The following PHF8 variants were observed in gnomAD, a reference collection of about 807,000 sequenced individuals.
PHF8 encodes the protein histone lysine demethylase PHF8.
PHF8 carries 9 observed loss-of-function variants against 74.4 expected under a neutral mutation model. The ratio of observed to expected loss-of-function variants is 0.12; its 90% confidence interval spans 0.07 to 0.21. The LOEUF is 0.21. PHF8 is among the 10% of genes least tolerant of loss of function. The probability of loss-of-function intolerance (pLI) is 1.00; values close to 1 mark genes in which losing one functional copy is unlikely to be tolerated. For missense variants in PHF8, 478 were observed against 816.6 expected (o/e 0.59, Z 5.05); for synonymous variants, 311 against 316.6 (o/e 0.98, Z 0.19).
chrX:53,986,553 T>C (rs1557099616), intron 16 of PHF8, among the ~76,000 whole-genome samples: 1 of 112,772 alleles, frequency 8.9e-6, no homozygotes, highest in Non-Finnish European at 1.9e-5. Flanking sequence ...TTCATTCTAT[T>C]CTGTATTAAA....
chrX:53,982,691 C>G (rs1305553727), intron 18 of PHF8, among the ~76,000 whole-genome samples: 1 of 111,615 alleles, frequency 9.0e-6, no homozygotes, highest in African/African-American at 3.3e-5. Flanking sequence ...AACTTCAAGT[C>G]AGGGGGATAA....
Position 54,044,461 on chromosome X carries a change from C to T in PHF8, c.-792G>A, listed in dbSNP as rs1417592291. 3.2e-5 allele frequency: 24 copies of T among 745,373 alleles called. No individual in the cohort carries two copies. Among genetic ancestry groups the T allele is most frequent in the Non-Finnish European group, 3.5e-5 (22 of 631,309 alleles). 61.4% of individuals were successfully genotyped at this position (745,373 alleles called of 1,213,427 possible). ...CAAGGCGACCGCCATCTTATGAGGG[C>T]TGGACTCGCGAGGTGAGCGCGGCGG... is the stretch of plus-strand genomic sequence containing the variant. On this transcript the variant is annotated 5_prime_UTR_variant, in exon 1 of 22. Coordinates refer to ENST00000338154, the MANE Select transcript of PHF8 (RefSeq NM_015107.3).
At chrX:54,008,094 C>T (rs781989807) in intron 8 of PHF8, among the ~76,000 whole-genome samples, 2 of 111,911 alleles carry the variant, frequency 1.8e-5, no homozygotes, top group South Asian at 3.7e-4. Context: ...AAGTGGTCGG[C>T]GCAGTGGCTC....
At chrX:53,988,045 C>A in intron 14 of PHF8, 101 bp from the exon 15 acceptor site, 1 of 644,280 alleles carries the variant, frequency 1.6e-6, no homozygotes, top group South Asian at 2.4e-5. Flanking sequence ...AATACAATCC[C>A]TATCAAAATC....
At chrX:53,975,214 G>C (rs1487688589) in intron 18 of PHF8, among the ~76,000 whole-genome samples, 2 of 112,322 alleles carry the variant, frequency 1.8e-5, no homozygotes, top group Admixed American at 1.9e-4. Flanking sequence ...AAAAGCTGGA[G>C]AGGATTTGTT....
chrX:54,014,836 G>C (rs2066036224), intron 6 of PHF8, among the ~76,000 whole-genome samples: 1 of 111,389 alleles, frequency 9.0e-6, no homozygotes, highest in African/African-American at 3.3e-5. Flanking sequence ...ATACTCCCCA[G>C]CCCCACTCCA....
At chrX:53,949,872 G>C (rs1170734700) in intron 19 of PHF8, among the ~76,000 whole-genome samples, 1 of 106,091 alleles carries the variant, frequency 9.4e-6, no homozygotes. Context: ...TCATATAATG[G>C]CACCGTGGTT....
At chrX:54,033,816 G>A (rs1292618111) in intron 2 of PHF8, among the ~76,000 whole-genome samples, 1 of 111,087 alleles carries the variant, frequency 9.0e-6, no homozygotes, top group Non-Finnish European at 1.9e-5. Flanking sequence ...CCAGCTACTT[G>A]GGAGGCTGAG....
intron 14 of PHF8, among the ~76,000 whole-genome samples, chrX:53,990,769 C>T (rs1458725477): frequency 1.8e-5 from 2 of 111,560 alleles, no homozygotes; most frequent in Admixed American, 1.9e-4. Context: ...ATACTCTGCA[C>T]TTGGCTCTTG....
Position 54,039,890 on chromosome X carries a change from T to C in PHF8, c.98+2741A>G, listed in dbSNP as rs2066523789. ...ACATTAACTAGAAATAAAAAATAGGTTGTAAAATGGTATTTATAACGCAAT... is the reference window on the plus strand; with the variant it reads ...ACATTAACTAGAAATAAAAAATAGGCTGTAAAATGGTATTTATAACGCAAT... On this transcript the variant is annotated intron_variant, in intron 2 of 21. Coordinates refer to ENST00000338154, the MANE Select transcript of PHF8 (RefSeq NM_015107.3). The C allele has an allele frequency of 5.3e-5, 6 of 112,299 alleles. No individual in the cohort carries two copies. In the Admixed American group the frequency reaches 5.7e-4, roughly 11 times the overall value. The allele number at this position is 112,299 out of a possible 1,213,427, so 9.3% of individuals were successfully genotyped here.
chrX:53,956,671 T>TGTGC (rs1486974970), intron 19 of PHF8, among the ~76,000 whole-genome samples: 3 of 100,129 alleles, frequency 3.0e-5, no homozygotes, highest in Non-Finnish European at 6.1e-5. Context: ...GTATAAAATA[T>TGTGC]GTGCGTGTGT....
intron 19 of PHF8, among the ~76,000 whole-genome samples, chrX:53,947,116 A>G (rs1232218997): frequency 9.0e-6 from 1 of 111,227 alleles, no homozygotes; most frequent in Admixed American, 9.6e-5. Context: ...GGTTCAAGCT[A>G]TTCTCCTGCC....
rs782345220 is a variant in PHF8 at position 54,022,397 on chromosome X, G to C, written c.185-30C>G. ...GCCAGAAAAACATGAGAGATTGTGA[G>C]TCAGAACGGTCATGAGCTATGATAC... On this transcript the variant is annotated intron_variant, in intron 3 of 21. Transcript: ENST00000338154. 2.4e-5 allele frequency: 22 copies of C among 928,538 alleles called. No homozygotes were observed. The South Asian group carries it at 3.3e-4, about 14-fold the overall frequency. The allele number at this position is 928,538 out of a possible 1,213,427, so 76.5% of individuals were successfully genotyped here.
chrX:54,034,756 G>A (rs182479723), intron 2 of PHF8, among the ~76,000 whole-genome samples: 1,163 of 107,633 alleles, frequency 0.011, 11 homozygotes, highest in African/African-American at 0.038. Flanking sequence ...CTGGAGGGGC[G>A]GAGGTTGCAG....
At position 54,044,467 on chromosome X, in the gene PHF8, T is replaced by A. The variant is rs901957129; in HGVS notation, c.-798A>T. Reference sequence around the variant, plus strand: ...GACCGCCATCTTATGAGGGCTGGACTCGCGAGGTGAGCGCGGCGGAGGCGG... The same window carrying A: ...GACCGCCATCTTATGAGGGCTGGACACGCGAGGTGAGCGCGGCGGAGGCGG... On this transcript the variant is annotated 5_prime_UTR_variant, in exon 1 of 22. Coordinates refer to ENST00000338154, the MANE Select transcript of PHF8 (RefSeq NM_015107.3). 8.1e-6 allele frequency: 6 copies of A among 739,025 alleles called. No homozygotes were observed. In the African/African-American group the frequency reaches 1.2e-4, roughly 14 times the overall value. 60.9% of individuals were successfully genotyped at this position (739,025 alleles called of 1,213,427 possible).
chrX:53,989,255 C>T (rs1402293576), intron 14 of PHF8, among the ~76,000 whole-genome samples: 7 of 111,110 alleles, frequency 6.3e-5, no homozygotes, highest in African/African-American at 1.6e-4. Flanking sequence ...GCCACTGCAC[C>T]GGGCCACAAT....
chrX:53,961,147 C>G (rs782003691), intron 19 of PHF8, among the ~76,000 whole-genome samples: 5 of 107,739 alleles, frequency 4.6e-5, no homozygotes, highest in Admixed American at 1.0e-4. Flanking sequence ...CTCAGCCTCT[C>G]GAGTAGCTGG....
In PHF8 at chrX:53,995,747, T is replaced by A. The variant is rs1557102649; in HGVS notation, c.1269A>T (p.Thr423=). 8.3e-7 allele frequency: 1 copy of A among 1,199,883 alleles called. No individual in the cohort carries two copies. Reference sequence around the variant, plus strand: ...CTTTAATGAGCTGTACGGTTCGCACTGTCTCCGGGATCTCATCCTCATGGT... The same window carrying A: ...CTTTAATGAGCTGTACGGTTCGCACAGTCTCCGGGATCTCATCCTCATGGT... ...LPDHEDEIPE[T]VRTVQLIKDL... The change falls in exon 12 of 22, where the codon ACA becomes ACT. Residue 423 remains threonine (T), a synonymous_variant. Transcript: ENST00000338154.
intron 19 of PHF8, among the ~76,000 whole-genome samples, chrX:53,958,775 CAAAAAAAAAAA>C (rs1203323417): frequency 1.5e-4 from 2 of 13,175 alleles, no homozygotes; most frequent in African/African-American, 2.4e-4. Flanking sequence ...GACTCCCTCT[CAAAAAAAAAAA>C]AAAAAAAAAA....
Sources: allele counts gnomAD v4.1 joint callset (sites outside exome capture counted in the v4.1 genomes callset), GRCh38; gene constraint gnomAD v4.1.1; transcripts MANE v1.5; gene names NCBI Gene and HGNC (gene_info 2026-07-23, HGNC 2026-07-21).